SPESP1: variants seen among roughly 807,000 people sequenced by gnomAD.
SPESP1 encodes equatorial segment protein.
SPESP1 carries 1 observed loss-of-function variant against 3.1 expected under a neutral mutation model. The ratio of observed to expected loss-of-function variants is 0.33; its 90% CI spans 0.12 to 1.54. The LOEUF is 1.54. SPESP1 is among the 40% of genes most tolerant of loss of function. The pLI is 0.38. For missense variants in SPESP1, 398 were observed against 410.1 expected, an observed-to-expected ratio of 0.97 and a Z score of 0.26; for synonymous variants, 138 against 150.7, an observed-to-expected ratio of 0.92 and a Z score of 0.62.
At chr15:68,942,582 T>C (rs1895855109) in intron 1 of SPESP1, among the ~76,000 whole-genome samples, 1 of 152,202 alleles carries the variant, frequency 6.6e-6, no homozygotes, top group East Asian at 1.9e-4. Context: ...ATGTTCTTTT[T>C]AGGGAACATG....
rs545235078 is a variant in SPESP1 at position 68,939,367 on chromosome 15, G to C, written c.65-6232G>C. ...CTTCTAGCAAGATTGTCTGTTCCTT[G>C]TAAGAATTTGAATTTTGTTCAGCTT... On this transcript the variant is annotated intron_variant, in intron 1 of 1. Transcript: ENST00000310673. 3.9e-5 allele frequency among the ~76,000 whole-genome samples: 6 copies of C among 152,314 alleles called. No individual in the cohort carries two copies. The East Asian group carries it at 1.2e-3, about 29-fold the overall frequency.
At chr15:68,937,619 C>A (rs571533913) in intron 1 of SPESP1, among the ~76,000 whole-genome samples, 1 of 152,108 alleles carries the variant, frequency 6.6e-6, no homozygotes, top group South Asian at 2.1e-4. Context: ...TCCCCTCACC[C>A]CCCACCCACC....
In SPESP1 at chr15:68,946,060, T is replaced by G. The variant is rs1255772026; in HGVS notation, c.526T>G (p.Ser176Ala). ...ATCATCTACAAGTCCATATGTTACC[T>G]CATACAAGTCACCTGTCACCACTTT... is the stretch of plus-strand genomic sequence containing the variant. ...TESSTSPYVT[S>A]YKSPVTTLDK... The change falls in exon 2 of 2, where the codon TCA becomes GCA. Residue 176 changes from serine to alanine, a missense_variant. Physicochemically the swap from Ser to Ala is moderately conservative, Grantham distance 99 (BLOSUM62 1). Coordinates refer to ENST00000310673, the MANE Select transcript of SPESP1 (RefSeq NM_145658.4). The G allele has an allele frequency of 5.6e-6, 9 of 1,614,142 alleles. No homozygotes were observed. The highest frequency in any genetic ancestry group is 7.6e-6 in the Non-Finnish European group (9 of 1,180,028).
At position 68,945,954 on chromosome 15, in the gene SPESP1, T is replaced by G. The variant is rs763685260; in HGVS notation, c.420T>G (p.Ile140Met). ...TTTTGCATGCAGAGGAACCTTATATTGAAAATGAAGAGCCAGAGCCAGAGC... is the reference window on the plus strand; with the variant it reads ...TTTTGCATGCAGAGGAACCTTATATGGAAAATGAAGAGCCAGAGCCAGAGC... ...SIVLHAEEPY[I>M]ENEEPEPEPE... Residue 140 changes from isoleucine (I) to methionine (M), a missense_variant, in exon 2 of 2, where the codon ATT (isoleucine) becomes ATG (methionine). Transcript: ENST00000310673. 6.2e-7 allele frequency: 1 copy of G among 1,614,014 alleles called. No individual in the cohort carries two copies. The highest frequency in any genetic ancestry group is 1.1e-5 in the South Asian group (1 of 91,066).
intron 1 of SPESP1, among the ~76,000 whole-genome samples, chr15:68,941,552 G>A: frequency 6.8e-6 from 1 of 147,240 alleles, no homozygotes; most frequent in African/African-American, 2.5e-5. Flanking sequence ...CATGACTTGT[G>A]GCCACATCAG....
intron 1 of SPESP1, among the ~76,000 whole-genome samples, chr15:68,937,302 A>G (rs1895705062): frequency 6.6e-6 from 1 of 152,216 alleles, no homozygotes; most frequent in Non-Finnish European, 1.5e-5. Flanking sequence ...AAAACAGAGT[A>G]TATAATGAAC....
At chr15:68,934,213 G>GT (rs1223039515) in intron 1 of SPESP1, among the ~76,000 whole-genome samples, 3 of 152,070 alleles carry the variant, frequency 2.0e-5, no homozygotes, top group African/African-American at 7.2e-5. Context: ...TTCTAGATTG[G>GT]TATTATAAGA....
Position 68,946,359 on chromosome 15 carries a change from A to T in SPESP1, c.825A>T (p.Leu275Phe). 1 of 1,614,220 alleles carries T rather than the reference A, an allele frequency of 6.2e-7. No homozygotes were observed. ...LALAAAAEHK[L>F]KTMYKSQLLP... is the part of the protein sequence containing the mutation. Reference sequence around the variant, plus strand: ...TAGCAGCAGCAGCAGAACATAAATTAAAAACAATGTATAAGTCCCAGTTAT... The same window carrying T: ...TAGCAGCAGCAGCAGAACATAAATTTAAAACAATGTATAAGTCCCAGTTAT... The change falls in exon 2 of 2, where the codon TTA (leucine) becomes TTT (phenylalanine). Residue 275 changes from leucine (L) to phenylalanine (F), a missense_variant. Leu to Phe is a conservative substitution (Grantham distance 22). Coordinates refer to ENST00000310673, the MANE Select transcript of SPESP1 (RefSeq NM_145658.4).
chr15:68,930,846 T>C, intron 1 of SPESP1, 129 bp downstream of exon 1: 1 of 1,436,554 alleles, frequency 7.0e-7, no homozygotes, highest in Non-Finnish European at 9.5e-7. Flanking sequence ...CTGTCCGGGG[T>C]CCTGGCCTCG....
At chr15:68,945,501 T>G in intron 1 of SPESP1, 98 bp from the exon 2 acceptor site, 4 of 954,056 alleles carry the variant, frequency 4.2e-6, no homozygotes, top group Non-Finnish European at 5.8e-6. Context: ...AATTTTTAAG[T>G]GATAGCATAT....
At chr15:68,938,217 T>C (rs1297445200) in intron 1 of SPESP1, among the ~76,000 whole-genome samples, 2 of 152,130 alleles carry the variant, frequency 1.3e-5, no homozygotes, top group East Asian at 1.9e-4. Context: ...CTGACCTTAG[T>C]TGACCCACCC....
At chr15:68,938,484 G>A (rs939928722) in intron 1 of SPESP1, among the ~76,000 whole-genome samples, 1 of 152,068 alleles carries the variant, frequency 6.6e-6, no homozygotes, top group South Asian at 2.1e-4. Context: ...CGAAAGGGAT[G>A]CATTTTGGTC....
At chr15:68,944,170 A>G (rs1171621022) in intron 1 of SPESP1, among the ~76,000 whole-genome samples, 1 of 152,174 alleles carries the variant, frequency 6.6e-6, no homozygotes, top group Non-Finnish European at 1.5e-5. Context: ...ATAGCACTTA[A>G]AATTAAAATA....
chr15:68,938,635 A>G (rs559385709), intron 1 of SPESP1, among the ~76,000 whole-genome samples: 1 of 152,310 alleles, frequency 6.6e-6, no homozygotes, highest in East Asian at 1.9e-4. Flanking sequence ...TAATGTTCAC[A>G]TGTATTTTAA....
At position 68,946,760 on chromosome 15, in the gene SPESP1, C is replaced by T; in HGVS notation, c.*173C>T. ...ATCTTTATGTGTCATGTGTTATGAA[C>T]AATTTTCATATGCACTAAAAACCTA... On this transcript the variant is annotated 3_prime_UTR_variant, in exon 2 of 2. Transcript: ENST00000310673. 5 of 831,914 alleles carry T rather than the reference C, an allele frequency of 6.0e-6. No homozygotes were observed. In the South Asian group the frequency reaches 2.2e-4, roughly 37 times the overall value. 51.5% of individuals were successfully genotyped at this position (831,914 alleles called of 1,614,324 possible).
intron 1 of SPESP1, among the ~76,000 whole-genome samples, chr15:68,931,285 T>C (rs915492447): frequency 1.4e-4 from 20 of 143,408 alleles, no homozygotes; most frequent in Admixed American, 6.3e-4. Flanking sequence ...TATTTTTGCA[T>C]TTTCAAAGTA....
intron 1 of SPESP1, among the ~76,000 whole-genome samples, chr15:68,940,923 A>G (rs564482773): frequency 2.0e-5 from 3 of 152,170 alleles, no homozygotes; most frequent in East Asian, 1.9e-4. Flanking sequence ...ATTAGCTGAA[A>G]TAGTTTACAG....
At chr15:68,941,968 G>A (rs1388293108) in intron 1 of SPESP1, among the ~76,000 whole-genome samples, 1 of 152,136 alleles carries the variant, frequency 6.6e-6, no homozygotes, top group Non-Finnish European at 1.5e-5. Context: ...GGGAATACAG[G>A]TATGTGCCAC....
Position 68,945,670 on chromosome 15 carries a change from A to AG in SPESP1, c.137dup (p.Ser46ArgfsTer10). ...ACAAGTTTTAGAGAACCTAGTACGA[A>AG]GTGTTCCCTCTGGGGAGCCAGGTCG... is the stretch of plus-strand genomic sequence containing the variant. On this transcript the variant is annotated frameshift_variant, in exon 2 of 2. Transcript: ENST00000310673. LOFTEE classifies it low-confidence loss of function (END_TRUNC). The AG allele has an allele frequency of 6.2e-7, 1 of 1,613,482 alleles. No individual in the cohort carries two copies. Among genetic ancestry groups the AG allele is most frequent in the Non-Finnish European group, 8.5e-7 (1 of 1,179,828 alleles).
Sources: allele counts gnomAD v4.1 joint callset (sites outside exome capture counted in the v4.1 genomes callset), GRCh38; gene constraint gnomAD v4.1.1; transcripts MANE v1.5; gene names NCBI Gene and HGNC (gene_info 2026-07-23, HGNC 2026-07-21).